The following MRAS variants were observed in gnomAD, a reference collection of about 807,000 sequenced individuals.
MRAS encodes ras-related protein M-Ras.
Under a neutral mutation model 20.9 loss-of-function variants are expected in MRAS, and 4 were observed. The observed-to-expected ratio is 0.19, with a 90% CI of 0.09 to 0.44. The LOEUF (loss-of-function observed/expected upper bound fraction) is 0.44, where lower values mean the gene tolerates loss of function less well. MRAS is among the 20% of genes least tolerant of loss of function. MRAS has a pLI of 0.99. For missense variants in MRAS, 154 were observed against 277.5 expected (o/e 0.56, Z 3.16); for synonymous variants, 98 against 102.9 (o/e 0.95, Z 0.29).
chr3:138,367,242 G>A (rs1346222464), intron 1 of MRAS, among the ~76,000 whole-genome samples: 3 of 152,134 alleles, frequency 2.0e-5, no homozygotes, highest in African/African-American at 7.2e-5. Context: ...CTTGCTGAGG[G>A]GCCCTCCAAG....
At chr3:138,399,903 G>A (rs1440566525) in intron 4 of MRAS, among the ~76,000 whole-genome samples, 1 of 152,146 alleles carries the variant, frequency 6.6e-6, no homozygotes, top group African/African-American at 2.4e-5. Context: ...CTGCTCTGTG[G>A]GGCCACCACA....
chr3:138,376,931 T>C (rs900958579), intron 2 of MRAS, among the ~76,000 whole-genome samples: 4 of 152,226 alleles, frequency 2.6e-5, no homozygotes, highest in African/African-American at 9.6e-5. Flanking sequence ...TGGTACATCG[T>C]TGGAACTCAA....
chr3:138,379,445 C>G (rs1056338851), intron 2 of MRAS, among the ~76,000 whole-genome samples: 18 of 151,636 alleles, frequency 1.2e-4, no homozygotes, highest in African/African-American at 3.9e-4. Context: ...GCAACCTCCC[C>G]CTCCCGGGTT....
chr3:138,388,593 G>A (rs2055065081), intron 2 of MRAS, among the ~76,000 whole-genome samples: 1 of 152,106 alleles, frequency 6.6e-6, no homozygotes, highest in Admixed American at 6.5e-5. Flanking sequence ...CAGCTACTTG[G>A]GAGGCTGAGG....
At chr3:138,398,976 T>C (rs2055301406) in intron 4 of MRAS, among the ~76,000 whole-genome samples, 1 of 152,172 alleles carries the variant, frequency 6.6e-6, no homozygotes, top group African/African-American at 2.4e-5. Flanking sequence ...CCCCTCTGGG[T>C]GTGTGCAGGG....
intron 4 of MRAS, among the ~76,000 whole-genome samples, 170 bp downstream of exon 4, chr3:138,398,738 C>T (rs1158064806): frequency 6.6e-6 from 1 of 152,182 alleles, no homozygotes; most frequent in African/African-American, 2.4e-5. Context: ...CCAGGTAATG[C>T]ACATCAGTGT....
At chr3:138,356,742 G>A (rs961442714) in intron 1 of MRAS, among the ~76,000 whole-genome samples, 1 of 152,188 alleles carries the variant, frequency 6.6e-6, no homozygotes, top group African/African-American at 2.4e-5. Context: ...CATTCCTCAG[G>A]TTGAGGTTCC....
chr3:138,385,164 T>C (rs980201702), intron 2 of MRAS, among the ~76,000 whole-genome samples: 2 of 143,956 alleles, frequency 1.4e-5, no homozygotes, highest in Non-Finnish European at 3.0e-5. Flanking sequence ...TAATTTTTTT[T>C]TTTTTTTTTT....
chr3:138,374,871 A>G (rs1428789496), intron 2 of MRAS, among the ~76,000 whole-genome samples: 2 of 152,044 alleles, frequency 1.3e-5, no homozygotes, highest in African/African-American at 4.8e-5. Flanking sequence ...TAATGTGGTA[A>G]ATTACATTGA....
intron 2 of MRAS, among the ~76,000 whole-genome samples, chr3:138,382,995 C>T (rs1466881548): frequency 6.6e-6 from 1 of 152,218 alleles, no homozygotes; most frequent in Non-Finnish European, 1.5e-5. Context: ...TCCCCACACC[C>T]TGGCTCCGGT....
chr3:138,401,163 G>T (rs1365784726), intron 5 of MRAS, among the ~76,000 whole-genome samples: 4 of 152,192 alleles, frequency 2.6e-5, no homozygotes, highest in African/African-American at 9.6e-5. Context: ...TCAGGGTCAA[G>T]ACGTTAATCA....
rs1230327379 is a variant in MRAS at position 138,403,237 on chromosome 3, C to G, written c.*968C>G. ...CTGGGTTTCTCAGATCTGTCTCTTG[C>G]TGCGTTTTCACATCAGCTGTGCTGC... On this transcript the variant is annotated 3_prime_UTR_variant, in exon 6 of 6. Transcript: ENST00000423968. 2 of 152,190 alleles carry G rather than the reference C, an allele frequency of 1.3e-5. No homozygotes were observed. Among genetic ancestry groups the G allele is most frequent in the Non-Finnish European group, 2.9e-5 (2 of 68,048 alleles). The allele number at this position is 152,190 out of a possible 1,614,324, so 9.4% of individuals were successfully genotyped here.
At chr3:138,395,230 G>A (rs1001718305) in intron 2 of MRAS, among the ~76,000 whole-genome samples, 2 of 151,892 alleles carry the variant, frequency 1.3e-5, no homozygotes, top group African/African-American at 2.4e-5. Flanking sequence ...TAGTAGAGAC[G>A]GGGTTTCATT....
rs147766930 is a variant in MRAS, at chr3:138,363,113, A to G, written c.-18-9753A>G. On this transcript the variant is annotated intron_variant, in intron 1 of 5. Coordinates refer to ENST00000423968, the MANE Select transcript of MRAS (RefSeq NM_001085049.3). The stretch of plus-strand genomic sequence containing the variant: ...GTGCAGTGGCATGATCTCGGCCCAC[A>G]GCAACCTCCGCCTCCCCAGTTCAAG... Among the ~76,000 whole-genome samples, 1,264 of 151,432 alleles carry G rather than the reference A, an allele frequency of 8.3e-3. 30 individuals are homozygous for G. The highest frequency in any genetic ancestry group is 0.053 in the Admixed American group (812 of 15,188).
At chr3:138,365,334 C>T (rs561669490) in intron 1 of MRAS, among the ~76,000 whole-genome samples, 8 of 152,314 alleles carry the variant, frequency 5.3e-5, no homozygotes, top group Admixed American at 3.9e-4. Context: ...CAGATGGCTC[C>T]GCCCTGAGTC....
At chr3:138,367,517 T>C (rs2054584730) in intron 1 of MRAS, among the ~76,000 whole-genome samples, 1 of 152,166 alleles carries the variant, frequency 6.6e-6, no homozygotes, top group East Asian at 1.9e-4. Context: ...TGAAGACTGC[T>C]GGGTGAAAAG....
Position 138,348,751 on chromosome 3 carries a change from C to A in MRAS, c.-35C>A, listed in dbSNP as rs2054165433. The A allele has an allele frequency of 1.3e-5, 2 of 151,518 alleles. No homozygotes were observed. Among genetic ancestry groups the A allele is most frequent in the South Asian group, 4.1e-4 (2 of 4,822 alleles). 9.4% of individuals were successfully genotyped at this position (151,518 alleles called of 1,614,324 possible). ...GGCGGCCTGAGTGCCGTAGCCGAGC[C>A]GGGGCTGGAGCGCGCGGTGAGTGGT... On this transcript the variant is annotated 5_prime_UTR_variant, in exon 1 of 6. Transcript: ENST00000423968.
chr3:138,381,036 G>A (rs2054892505), intron 2 of MRAS, among the ~76,000 whole-genome samples: 1 of 152,104 alleles, frequency 6.6e-6, no homozygotes, highest in Admixed American at 6.5e-5. Context: ...GCCTCCCAAA[G>A]TGTTGGGTTT....
chr3:138,351,946 G>A (rs976530419), intron 1 of MRAS, among the ~76,000 whole-genome samples: 2 of 152,198 alleles, frequency 1.3e-5, no homozygotes, highest in Admixed American at 1.3e-4. Flanking sequence ...TGATCTAAAG[G>A]CACGTGACTT....
Sources: allele counts gnomAD v4.1 joint callset (sites outside exome capture counted in the v4.1 genomes callset), GRCh38; gene constraint gnomAD v4.1.1; transcripts MANE v1.5; gene names NCBI Gene and HGNC (gene_info 2026-07-23, HGNC 2026-07-21).